ANKRD30B: variants seen among roughly 807,000 people sequenced by gnomAD.
ANKRD30B encodes ankyrin repeat domain 30B, also known as ankyrin repeat domain-containing protein 30B.
ANKRD30B carries 144 observed loss-of-function variants against 202.2 expected under a neutral mutation model. That is an observed-to-expected ratio of 0.71 (90% CI 0.62 to 0.82). ANKRD30B has a LOEUF of 0.82. Ranked by LOEUF, ANKRD30B falls within the 40% of genes least tolerant of loss-of-function variation. The pLI is 0.00. For synonymous variants in ANKRD30B, 508 were observed against 561.3 expected (o/e 0.91, Z 1.34); for missense variants, 1,487 against 1,669.1 (o/e 0.89, Z 1.90).
At chr18:14,884,570 G>C in the ANKRD30B span, among the ~76,000 whole-genome samples, 1 of 151,726 alleles carries the variant, frequency 6.6e-6, no homozygotes, top group Admixed American at 6.6e-5. Context: ...TCAATTATTA[G>C]AATATAAATG....
the ANKRD30B span, among the ~76,000 whole-genome samples, chr18:14,938,302 C>A: frequency 3.3e-5 from 5 of 152,310 alleles, no homozygotes; most frequent in Admixed American, 2.6e-4. Context: ...TAAAAAGTGG[C>A]TTTAGAAACT....
Position 14,810,166 on chromosome 18 carries a change from A to C in ANKRD30B, c.2474A>C (p.Glu825Ala), listed in dbSNP as rs1247009177. The change falls in exon 28 of 44, where the codon GAA (glutamate) becomes GCA (alanine). Residue 825 changes from glutamate (E) to alanine (A), a missense_variant. Around this residue, in one of 6 missense-constraint regions of ANKRD30B, gnomAD observed 218 missense variants for 320.1 expected, o/e 0.68. Transcript: ENST00000690538. ...AAAGCCTTAGAATTAAAGGACAGAG[A>C]AACATTAAAAGCAGGTAAACTTTGT... is the stretch of plus-strand genomic sequence containing the variant. Reference protein sequence around the residue: ...PNKALELKDRETLKAAQMFPS... With the variant: ...PNKALELKDRATLKAAQMFPS... The C allele has an allele frequency of 4.9e-6, 7 of 1,423,262 alleles. No homozygotes were observed. The highest frequency in any genetic ancestry group is 6.7e-6 in the Non-Finnish European group (7 of 1,043,884). 88.2% of individuals were successfully genotyped at this position (1,423,262 alleles called of 1,614,324 possible). A position where few individuals can be genotyped will look rare whatever the true frequency, so the allele number is the denominator to read the frequency against.
downstream of ANKRD30B, among the ~76,000 whole-genome samples, chr18:14,858,757 A>ACAT (rs1972138765): frequency 7.0e-6 from 1 of 143,406 alleles, no homozygotes. Flanking sequence ...CTCACCTCCC[A>ACAT]GGGGGGGCAG....
In ANKRD30B at chr18:14,853,801, CTTTTCAGGTCA is replaced by C. The variant is rs1971983692; in HGVS notation, c.4477-5_4482del. Among the ~76,000 whole-genome samples, 1 of 152,106 alleles carries C rather than the reference CTTTTCAGGTCA, an allele frequency of 6.6e-6. No homozygotes were observed. Among genetic ancestry groups the C allele is most frequent in the Admixed American group, 6.5e-5 (1 of 15,270 alleles). The stretch of plus-strand genomic sequence containing the variant: ...ATGATTCACAAAATCAAAAACATGT[CTTTTCAGGTCA>C]TTGTGAGACAACTTCAAAAAAAATT... On this transcript the variant is annotated splice_acceptor_variant and splice_polypyrimidine_tract_variant and coding_sequence_variant and intron_variant, in exon 43 of 44. Coordinates refer to ENST00000690538, the MANE Select transcript of ANKRD30B (RefSeq NM_001367607.2). LOFTEE classifies it high-confidence loss of function.
chr18:14,885,035 G>T, the ANKRD30B span, among the ~76,000 whole-genome samples: 2 of 152,038 alleles, frequency 1.3e-5, no homozygotes, highest in Admixed American at 6.6e-5. Context: ...AAACCAGAGA[G>T]ACCAGTTAAT....
chr18:14,908,461 AT>A, the ANKRD30B span, among the ~76,000 whole-genome samples: 1 of 151,888 alleles, frequency 6.6e-6, no homozygotes, highest in African/African-American at 2.4e-5. Flanking sequence ...ACATCTCCTA[AT>A]TCTTGGAGGT....
In ANKRD30B at chr18:14,837,641, A is replaced by G; in HGVS notation, c.2953A>G (p.Arg985Gly). ...TAAGATGCCCACATCAGAATTAGGA[A>G]GAAAAGAAGATACAAAATCAACTTC... ...TNKMPTSELG[R>G]KEDTKSTSDS... Residue 985 changes from arginine to glycine, a missense_variant, in exon 36 of 44, where the codon AGA becomes GGA. Arg to Gly is a moderately radical substitution (Grantham distance 125). This residue lies in a region of ANKRD30B where 218 missense variants were observed against 320.1 expected (regional missense o/e 0.68). Transcript: ENST00000690538. 7.2e-6 allele frequency: 11 copies of G among 1,536,722 alleles called. No homozygotes were observed. Among genetic ancestry groups the G allele is most frequent in the Non-Finnish European group, 9.6e-6 (11 of 1,142,778 alleles).
At chr18:14,901,714 ATT>A in the ANKRD30B span, among the ~76,000 whole-genome samples, 1 of 152,222 alleles carries the variant, frequency 6.6e-6, no homozygotes, top group East Asian at 1.9e-4. Context: ...ATGTCAATAT[ATT>A]ATTAGCATAA....
At chr18:14,784,305 T>C (rs768850112) in intron 12 of ANKRD30B, 31 bp from the exon 13 acceptor site, 28 of 1,605,336 alleles carry the variant, frequency 1.7e-5, no homozygotes, top group Non-Finnish European at 2.2e-5. Context: ...TATTTACTTA[T>C]GATTGATGAT....
the ANKRD30B span, among the ~76,000 whole-genome samples, chr18:14,890,396 A>C: frequency 6.6e-6 from 1 of 151,702 alleles, no homozygotes; most frequent in Non-Finnish European, 1.5e-5. Context: ...TACTATAATA[A>C]TAATAGCTAA....
chr18:14,901,274 T>C, the ANKRD30B span, among the ~76,000 whole-genome samples: 2 of 152,242 alleles, frequency 1.3e-5, no homozygotes, highest in Admixed American at 1.3e-4. Context: ...GCCAAAAATT[T>C]ACTTCTTTTA....
chr18:14,937,608 T>C, the ANKRD30B span, among the ~76,000 whole-genome samples: 1 of 151,666 alleles, frequency 6.6e-6, no homozygotes. Flanking sequence ...TGGAGGGGTG[T>C]TGCCAGGTTC....
At chr18:14,940,189 C>T in the ANKRD30B span, among the ~76,000 whole-genome samples, 1 of 152,186 alleles carries the variant, frequency 6.6e-6, no homozygotes, top group East Asian at 1.9e-4. Context: ...CAAATCCCAG[C>T]TGAGCTCCAG....
At chr18:14,794,553 A>T (rs898046688) in intron 16 of ANKRD30B, among the ~76,000 whole-genome samples, 1 of 152,142 alleles carries the variant, frequency 6.6e-6, no homozygotes, top group Non-Finnish European at 1.5e-5. Context: ...ATCATTTCCT[A>T]TATATGAATT....
the ANKRD30B span, among the ~76,000 whole-genome samples, chr18:14,864,363 AAAAC>A: frequency 6.6e-6 from 1 of 152,228 alleles, no homozygotes; most frequent in African/African-American, 2.4e-5. Flanking sequence ...AAACCAAACC[AAAAC>A]AAAAAAAACC....
At chr18:14,902,334 G>A in the ANKRD30B span, among the ~76,000 whole-genome samples, 1 of 152,086 alleles carries the variant, frequency 6.6e-6, no homozygotes, top group Middle Eastern at 3.4e-3. Context: ...GGATATTTGG[G>A]GGACCTCAAA....
In ANKRD30B at chr18:14,790,251, T is replaced by C. The variant is rs529767412; in HGVS notation, c.1735-1150T>C. Among the ~76,000 whole-genome samples the C allele has an allele frequency of 1.4e-4, 21 of 152,226 alleles. 1 individual carries two copies. In the South Asian group the frequency reaches 3.7e-3, roughly 27 times the overall value. ...TTTACATTGATTTTGTATCCTGAGATTTTGCTGAAGCTGCTTATCAGCTTA... is the reference window on the plus strand; with the variant it reads ...TTTACATTGATTTTGTATCCTGAGACTTTGCTGAAGCTGCTTATCAGCTTA... On this transcript the variant is annotated intron_variant, in intron 15 of 43. Transcript: ENST00000690538.
At chr18:14,885,524 A>G in the ANKRD30B span, among the ~76,000 whole-genome samples, 3 of 152,092 alleles carry the variant, frequency 2.0e-5, no homozygotes, top group South Asian at 6.2e-4. Context: ...CTAACTTCAT[A>G]TTTTATACCT....
chr18:14,895,457 G>C, the ANKRD30B span, among the ~76,000 whole-genome samples: 1 of 152,124 alleles, frequency 6.6e-6, no homozygotes, highest in African/African-American at 2.4e-5. Flanking sequence ...CAGTCACATG[G>C]GAAGACAATT....
Sources: gnomAD v4.1 joint callset for allele counts (sites outside exome capture counted in the v4.1 genomes callset) on GRCh38, gnomAD v4.1.1 for gene constraint, gnomAD v4.1.1 regional missense constraint, MANE v1.5 for transcripts, NCBI Gene and HGNC (gene_info 2026-07-23, HGNC 2026-07-21) for gene names.